Variants in RPH3A observed in about 807,000 individuals in gnomAD.
The protein encoded by RPH3A is rabphilin-3A.
RPH3A carries 48 observed loss-of-function variants against 102.2 expected under a neutral mutation model. The ratio of observed to expected loss-of-function variants is 0.47; its 90% CI spans 0.37 to 0.60. RPH3A has a LOEUF of 0.60. Ranked by LOEUF, RPH3A falls within the 20% of genes least tolerant of loss-of-function variation. The pLI is 0.00. For synonymous variants in RPH3A, 310 were observed against 324.3 expected (o/e 0.96, Z 0.47); for missense variants, 781 against 910.1 (o/e 0.86, Z 1.83).
In RPH3A at chr12:112,696,566, C is replaced by T. The variant is rs554005041; in HGVS notation, c.-139-95577C>T. 7.2e-5 allele frequency among the ~76,000 whole-genome samples: 11 copies of T among 152,278 alleles called. No homozygotes were observed. In the East Asian group the frequency reaches 1.7e-3, roughly 24 times the overall value. On this transcript the variant is annotated intron_variant, in intron 1 of 21. Coordinates refer to the RPH3A transcript ENST00000543106. ...GACTCTTCATTGCTAGGTTGTGTGC[C>T]TTCTCATCCCAACTCTTCTGACTCC...
At chr12:112,787,143 C>T (rs182373385), upstream of RPH3A, among the ~76,000 whole-genome samples, 64 of 152,282 alleles carry the variant, frequency 4.2e-4, no homozygotes, top group African/African-American at 1.3e-3. Context: ...CTTGTGATTA[C>T]ATTGGATTCA....
chr12:112,762,039 T>C (rs987502), intron 1 of RPH3A, among the ~76,000 whole-genome samples: 4,294 of 152,306 alleles, frequency 0.028, 183 homozygotes, highest in African/African-American at 0.096. Flanking sequence ...TAATAGCACT[T>C]ACTTCATAGA....
chr12:112,703,304 A>G (rs973580370), intron 1 of RPH3A, among the ~76,000 whole-genome samples: 1 of 152,224 alleles, frequency 6.6e-6, no homozygotes, highest in Non-Finnish European at 1.5e-5. Context: ...TGTGGCTATA[A>G]ATGATACAGA....
In RPH3A at chr12:112,866,771, G is replaced by C; in HGVS notation, c.375G>C (p.Lys125Asn). 3 of 1,609,472 alleles carry C rather than the reference G, an allele frequency of 1.9e-6. No homozygotes were observed. The highest frequency in any genetic ancestry group is 2.5e-6 in the Non-Finnish European group (3 of 1,177,014). The change falls in exon 7 of 22, where the codon AAG becomes AAC. Residue 125 changes from lysine (K) to asparagine (N), a missense_variant. Physicochemically the swap from Lys to Asn is moderately conservative, Grantham distance 94. Transcript: ENST00000389385. ...TTCATCCACAGAACGTCTGCACCAA[G>C]TGCGGAGTGGAGACCAACAACCGCC... Reference protein sequence around the residue: ...CEDCKKNVCTKCGVETNNRLH... With the variant: ...CEDCKKNVCTNCGVETNNRLH...
At chr12:112,729,095 G>A (rs1372155942) in intron 1 of RPH3A, among the ~76,000 whole-genome samples, 1 of 152,068 alleles carries the variant, frequency 6.6e-6, no homozygotes, top group Non-Finnish European at 1.5e-5. Context: ...CATTTGGTCA[G>A]CAATTTTGGT....
intron 2 of RPH3A, among the ~76,000 whole-genome samples, chr12:112,825,035 C>T (rs775199970): frequency 1.1e-4 from 17 of 151,556 alleles, no homozygotes; most frequent in African/African-American, 1.7e-4. Context: ...CAACTGCAGC[C>T]GAGGAAGCTC....
At chr12:112,804,483 G>A (rs1309810979) in intron 2 of RPH3A, among the ~76,000 whole-genome samples, 1 of 152,240 alleles carries the variant, frequency 6.6e-6, no homozygotes, top group African/African-American at 2.4e-5. Context: ...TCAGCAAACT[G>A]TTGGGCTCTC....
chr12:112,670,146 A>C (rs1044722620), intron 1 of RPH3A, among the ~76,000 whole-genome samples: 1 of 152,172 alleles, frequency 6.6e-6, no homozygotes, highest in East Asian at 1.9e-4. Context: ...CCATTTACTC[A>C]TCCACTTATA....
chr12:112,838,402 G>T (rs2042090107), intron 4 of RPH3A, among the ~76,000 whole-genome samples: 1 of 152,234 alleles, frequency 6.6e-6, no homozygotes, highest in African/African-American at 2.4e-5. Flanking sequence ...CCATTAGTCT[G>T]GTTGGGGTAA....
chr12:112,801,306 T>A (rs2041347676), intron 2 of RPH3A, among the ~76,000 whole-genome samples: 2 of 152,208 alleles, frequency 1.3e-5, no homozygotes, highest in African/African-American at 4.8e-5. Flanking sequence ...AGCTGGGCCC[T>A]TGGCGGGGAA....
intron 16 of RPH3A, among the ~76,000 whole-genome samples, chr12:112,884,301 G>T (rs1020084043): frequency 6.6e-6 from 1 of 152,110 alleles, no homozygotes; most frequent in Admixed American, 6.6e-5. Context: ...AAGCACCCCC[G>T]ATGCAAGTTG....
chr12:112,894,159 C>T (rs906949680), intron 19 of RPH3A: 2 of 202,656 alleles, frequency 9.9e-6, no homozygotes, highest in Non-Finnish European at 1.9e-5. Context: ...GGATTGGGGG[C>T]AGCCTAAGGT....
intron 1 of RPH3A, among the ~76,000 whole-genome samples, chr12:112,733,135 G>A (rs1266724161): frequency 6.6e-6 from 1 of 152,080 alleles, no homozygotes; most frequent in Non-Finnish European, 1.5e-5. Context: ...TTTCAAGCAT[G>A]AGCCTGTGCT....
chr12:112,677,236 A>G (rs1250670803), intron 1 of RPH3A, among the ~76,000 whole-genome samples: 2 of 152,124 alleles, frequency 1.3e-5, no homozygotes, highest in Admixed American at 6.5e-5. Context: ...AGCTCTCATC[A>G]AGGGTAATGG....
chr12:112,827,691 A>T lies in RPH3A; in HGVS notation c.-18-610A>T, dbSNP rs942213962. 2.8e-4 allele frequency among the ~76,000 whole-genome samples: 42 copies of T among 151,958 alleles called. 1 individual carries two copies. Among genetic ancestry groups the T allele is most frequent in the South Asian group, 2.3e-3 (11 of 4,806 alleles). On this transcript the variant is annotated intron_variant, in intron 2 of 21. Coordinates refer to ENST00000389385, the MANE Select transcript of RPH3A (RefSeq NM_001143854.2). ...CTTGGATGTAGAGTATTTTTTTTTAAAAAAGGCAGGGACACATGGACACAG... is the reference window on the plus strand; with the variant it reads ...CTTGGATGTAGAGTATTTTTTTTTATAAAAGGCAGGGACACATGGACACAG...
chr12:112,798,269 C>T (rs950453712), intron 2 of RPH3A, among the ~76,000 whole-genome samples: 8 of 152,162 alleles, frequency 5.3e-5, no homozygotes, highest in African/African-American at 1.9e-4. Flanking sequence ...CAAGAGGAAA[C>T]TCATCTGACA....
chr12:112,587,777 A>G (rs66729304), intron 1 of RPH3A, among the ~76,000 whole-genome samples: 34,450 of 152,060 alleles, frequency 0.23, 5,371 homozygotes, highest in African/African-American at 0.43. Flanking sequence ...AGCTGTGTTT[A>G]GTGCACGGAA....
At chr12:112,639,963 A>G (rs1481622681) in intron 1 of RPH3A, among the ~76,000 whole-genome samples, 1 of 152,164 alleles carries the variant, frequency 6.6e-6, no homozygotes, top group African/African-American at 2.4e-5. Flanking sequence ...ATGGAAGCTC[A>G]GAGAGGGTAG....
chr12:112,590,022 G>T (rs146850265), intron 1 of RPH3A, among the ~76,000 whole-genome samples: 1,998 of 151,144 alleles, frequency 0.013, 42 homozygotes, highest in African/African-American at 0.047. Context: ...TGGGGAGGTT[G>T]CAGTGAGCTG....
Sources: allele counts gnomAD v4.1 joint callset (sites outside exome capture counted in the v4.1 genomes callset), GRCh38; gene constraint gnomAD v4.1.1; transcripts MANE v1.5; gene names NCBI Gene and HGNC (gene_info 2026-07-23, HGNC 2026-07-21).